Variants in NKAIN2 observed in about 807,000 individuals in gnomAD.
NKAIN2 encodes sodium/potassium-transporting ATPase subunit beta-1-interacting protein 2.
NKAIN2 carries 14 observed loss-of-function variants against 32.6 expected under a neutral mutation model. The observed-to-expected ratio is 0.43, with a 90% CI of 0.28 to 0.67. The LOEUF is 0.67. NKAIN2 is among the 30% of genes least tolerant of loss of function. The probability of loss-of-function intolerance (pLI) is 0.17; values close to 1 mark genes in which losing one functional copy is unlikely to be tolerated. For synonymous variants in NKAIN2, 80 were observed against 87.2 expected, an observed-to-expected ratio of 0.92 and a Z score of 0.46; for missense variants, 198 against 258.3, an observed-to-expected ratio of 0.77 and a Z score of 1.60.
At chr6:124,194,855 G>A (rs529175220) in intron 1 of NKAIN2, among the ~76,000 whole-genome samples, 1 of 152,148 alleles carries the variant, frequency 6.6e-6, no homozygotes, top group African/African-American at 2.4e-5. Flanking sequence ...GTGCACTAAA[G>A]GATAAAAGGC....
At chr6:124,433,019 A>C (rs1458200761) in intron 3 of NKAIN2, among the ~76,000 whole-genome samples, 2 of 152,122 alleles carry the variant, frequency 1.3e-5, no homozygotes, top group Non-Finnish European at 2.9e-5. Context: ...TGGGAAACAC[A>C]GTATGTGCAC....
At chr6:124,806,006 C>A (rs1372698795) in intron 5 of NKAIN2, among the ~76,000 whole-genome samples, 1 of 152,132 alleles carries the variant, frequency 6.6e-6, no homozygotes, top group Non-Finnish European at 1.5e-5. Context: ...ACTAAATCTA[C>A]GTCTGATTGG....
chr6:124,194,762 A>G (rs1790231154), intron 1 of NKAIN2, among the ~76,000 whole-genome samples: 1 of 152,156 alleles, frequency 6.6e-6, no homozygotes, highest in Admixed American at 6.5e-5. Flanking sequence ...CTTCTAGTTT[A>G]CTACATATAA....
intron 4 of NKAIN2, among the ~76,000 whole-genome samples, chr6:124,687,119 T>A (rs1372507442): frequency 6.8e-6 from 1 of 147,956 alleles, no homozygotes; most frequent in African/African-American, 2.5e-5. Context: ...AAGTTAATAC[T>A]TAATAAGCTC....
At chr6:124,674,115 C>G (rs1352357031) in intron 4 of NKAIN2, among the ~76,000 whole-genome samples, 1 of 152,050 alleles carries the variant, frequency 6.6e-6, no homozygotes, top group African/African-American at 2.4e-5. Flanking sequence ...ACTATCATCT[C>G]ACCATTGTGT....
chr6:124,697,671 C>T (rs1290212884), intron 4 of NKAIN2, among the ~76,000 whole-genome samples: 1 of 152,158 alleles, frequency 6.6e-6, no homozygotes, highest in African/African-American at 2.4e-5. Context: ...CTTCAGCTAA[C>T]TTTTCCAGTC....
intron 1 of NKAIN2, among the ~76,000 whole-genome samples, chr6:124,255,513 A>C (rs954983615): frequency 6.6e-6 from 1 of 152,220 alleles, no homozygotes; most frequent in African/African-American, 2.4e-5. Flanking sequence ...CTGCTGGATA[A>C]CCATGTGATC....
At chr6:123,852,127 T>C (rs1240311242) in intron 1 of NKAIN2, among the ~76,000 whole-genome samples, 1 of 152,208 alleles carries the variant, frequency 6.6e-6, no homozygotes, top group African/African-American at 2.4e-5. Context: ...TTGCTTTTTG[T>C]CCAATGTTAT....
At chr6:124,070,800 A>G (rs561094710) in intron 1 of NKAIN2, among the ~76,000 whole-genome samples, 1 of 152,180 alleles carries the variant, frequency 6.6e-6, no homozygotes, top group Non-Finnish European at 1.5e-5. Flanking sequence ...TGAATAACCA[A>G]AGCAATCCTA....
chr6:124,380,272 T>A (rs903066578), intron 3 of NKAIN2, among the ~76,000 whole-genome samples: 1 of 152,176 alleles, frequency 6.6e-6, no homozygotes, highest in Non-Finnish European at 1.5e-5. Context: ...GTCAAGATGC[T>A]GAGGTTGAAA....
intron 1 of NKAIN2, among the ~76,000 whole-genome samples, chr6:124,078,656 T>G (rs2114900220): frequency 6.6e-6 from 1 of 152,268 alleles, no homozygotes; most frequent in African/African-American, 2.4e-5. Context: ...TTTGTAATCC[T>G]AGTTTAAAGA....
chr6:124,101,681 G>A (rs1192871853), intron 1 of NKAIN2, among the ~76,000 whole-genome samples: 1 of 151,924 alleles, frequency 6.6e-6, no homozygotes, highest in Non-Finnish European at 1.5e-5. Context: ...TGAGATGAGA[G>A]CGCTTGGAAT....
intron 1 of NKAIN2, among the ~76,000 whole-genome samples, chr6:123,934,307 A>T (rs1191339231): frequency 6.6e-6 from 1 of 152,110 alleles, no homozygotes; most frequent in African/African-American, 2.4e-5. Flanking sequence ...CCACCCTGTG[A>T]TGCTCATGCC....
intron 3 of NKAIN2, among the ~76,000 whole-genome samples, chr6:124,364,250 A>AAAAAAGGAG (rs3054409): frequency 1.4e-5 from 2 of 139,738 alleles, no homozygotes; most frequent in African/African-American, 5.3e-5. Flanking sequence ...AAAAAAAAAA[A>AAAAAAGGAG]AGAGAGAAAA....
At chr6:124,608,302 C>T (rs768716946) in intron 3 of NKAIN2, among the ~76,000 whole-genome samples, 4 of 152,170 alleles carry the variant, frequency 2.6e-5, no homozygotes, top group Non-Finnish European at 4.4e-5. Context: ...GCCTCCAGCA[C>T]TTTCCATGTT....
At chr6:124,391,217 G>A (rs946433332) in intron 3 of NKAIN2, among the ~76,000 whole-genome samples, 2 of 152,130 alleles carry the variant, frequency 1.3e-5, no homozygotes, top group Non-Finnish European at 2.9e-5. Flanking sequence ...CTCCAAGTCA[G>A]TACAAGTCTA....
At chr6:124,343,318 T>A (rs1798229292) in intron 2 of NKAIN2, among the ~76,000 whole-genome samples, 1 of 151,680 alleles carries the variant, frequency 6.6e-6, no homozygotes, top group Non-Finnish European at 1.5e-5. Flanking sequence ...TATAGCAGCA[T>A]GATTTATAGT....
At chr6:124,717,969 A>G (rs1376154106) in intron 4 of NKAIN2, among the ~76,000 whole-genome samples, 2 of 152,164 alleles carry the variant, frequency 1.3e-5, no homozygotes, top group African/African-American at 4.8e-5. Context: ...AAATGGTTTT[A>G]TCTCTAAGGG....
At chr6:124,586,968 T>C (rs1781734370) in intron 3 of NKAIN2, among the ~76,000 whole-genome samples, 1 of 152,168 alleles carries the variant, frequency 6.6e-6, no homozygotes, top group Admixed American at 6.5e-5. Context: ...CCTCTTATAT[T>C]ACATTTTGGA....
Sources: allele counts gnomAD v4.1 joint callset (sites outside exome capture counted in the v4.1 genomes callset), GRCh38; gene constraint gnomAD v4.1.1; transcripts MANE v1.5; gene names NCBI Gene and HGNC (gene_info 2026-07-23, HGNC 2026-07-21).